SCAPER: variants seen among roughly 807,000 people sequenced by gnomAD.
The protein encoded by SCAPER is S-phase cyclin A associated protein in the ER, also known as S phase cyclin A-associated protein in the endoplasmic reticulum.
A neutral mutation model predicts 182.2 loss-of-function variants in SCAPER; 98 were observed. The observed-to-expected ratio is 0.54, with a 90% CI of 0.46 to 0.64. SCAPER has a LOEUF of 0.64. SCAPER is among the 30% of genes least tolerant of loss of function. The pLI is 0.00. For missense variants in SCAPER, 1,432 were observed against 1,690.0 expected, an observed-to-expected ratio of 0.85 and a Z score of 2.68; for synonymous variants, 605 against 564.6, an observed-to-expected ratio of 1.07 and a Z score of -1.01.
intron 23 of SCAPER, among the ~76,000 whole-genome samples, chr15:76,529,700 C>T (rs1945532201): frequency 6.6e-6 from 1 of 152,316 alleles, no homozygotes; most frequent in East Asian, 1.9e-4. Context: ...GTGCCAAGAG[C>T]CTAAGGCAGA....
intron 3 of SCAPER, among the ~76,000 whole-genome samples, chr15:76,858,811 T>C (rs1279885002): frequency 7.5e-6 from 1 of 133,472 alleles, no homozygotes; most frequent in African/African-American, 2.8e-5. Flanking sequence ...TTCATTCTTT[T>C]TATGGCTACG....
At chr15:76,364,298 G>A (rs2041661142) in intron 29 of SCAPER, among the ~76,000 whole-genome samples, 1 of 152,062 alleles carries the variant, frequency 6.6e-6, no homozygotes, top group African/African-American at 2.4e-5. Context: ...CCTTCTTCCC[G>A]GTGGTCCCAG....
At chr15:76,637,742 ATGTGTGTGTGTGTGTGTGTGTGTGTGTG>A (rs55726181) in intron 21 of SCAPER, among the ~76,000 whole-genome samples, 16 of 105,820 alleles carry the variant, frequency 1.5e-4, no homozygotes, top group South Asian at 1.5e-3. Context: ...ATATATATAT[ATGTGTGTGTGTGTGTGTGTGTGTGTGTG>A]TGTGTGTGTG....
rs187157593 is a variant in SCAPER, at chr15:76,769,611, T to A, written c.1248+2131A>T. ...CAGAGAAATGCAAATCAAAACCACA[T>A]AAGATACCATCTCACACCAGTTAGA... On this transcript the variant is annotated intron_variant, in intron 10 of 31. Transcript: ENST00000563290. 4.7e-3 allele frequency among the ~76,000 whole-genome samples: 710 copies of A among 152,190 alleles called. 27 individuals are homozygous for A. Among genetic ancestry groups the A allele is most frequent in the Admixed American group, 0.039 (592 of 15,290 alleles).
At chr15:76,840,183 T>A (rs138046589) in intron 5 of SCAPER, among the ~76,000 whole-genome samples, 211 of 152,290 alleles carry the variant, frequency 1.4e-3, no homozygotes, top group Middle Eastern at 3.4e-3. Flanking sequence ...TTTGGAATGC[T>A]GAGGTAGGAG....
chr15:76,755,544 A>G (rs1021238977), intron 14 of SCAPER, among the ~76,000 whole-genome samples: 2 of 152,218 alleles, frequency 1.3e-5, no homozygotes, highest in African/African-American at 4.8e-5. Flanking sequence ...TATAGTGGCC[A>G]TATATCTTTC....
intron 5 of SCAPER, among the ~76,000 whole-genome samples, chr15:76,816,857 T>G (rs538331175): frequency 6.6e-6 from 1 of 152,260 alleles, no homozygotes; most frequent in South Asian, 2.1e-4. Context: ...ACAGACGGTG[T>G]TAGCCAGGAT....
intron 22 of SCAPER, among the ~76,000 whole-genome samples, chr15:76,612,910 T>C (rs1207126847): frequency 2.0e-5 from 3 of 152,158 alleles, no homozygotes; most frequent in African/African-American, 7.2e-5. Flanking sequence ...TTCACAGAAC[T>C]ATAAAAAACT....
At chr15:76,865,811 G>A (rs1037703181) in intron 2 of SCAPER, among the ~76,000 whole-genome samples, 6 of 152,014 alleles carry the variant, frequency 3.9e-5, no homozygotes, top group Admixed American at 6.6e-5. Context: ...CACTTTTTAC[G>A]TCTTTAATGT....
intron 1 of SCAPER, among the ~76,000 whole-genome samples, chr15:76,895,134 A>T (rs1020711303): frequency 5.3e-5 from 8 of 152,216 alleles, no homozygotes; most frequent in African/African-American, 1.9e-4. Flanking sequence ...ATCCTCCATA[A>T]AATACCGGCA....
chr15:76,683,917 A>C (rs2057881846), intron 20 of SCAPER, among the ~76,000 whole-genome samples: 1 of 152,172 alleles, frequency 6.6e-6, no homozygotes, highest in South Asian at 2.1e-4. Context: ...CTTGTAATGG[A>C]GCAAGACCAC....
intron 21 of SCAPER, among the ~76,000 whole-genome samples, chr15:76,637,969 A>G (rs1042443128): frequency 1.3e-5 from 2 of 151,884 alleles, no homozygotes; most frequent in African/African-American, 4.8e-5. Context: ...AGAAATGTCA[A>G]TTCCTTTGCC....
chr15:76,476,277 G>C (rs2050620494), intron 24 of SCAPER, among the ~76,000 whole-genome samples: 1 of 152,148 alleles, frequency 6.6e-6, no homozygotes, highest in African/African-American at 2.4e-5. Context: ...TTGTTTGTGT[G>C]GCATTAGCCA....
At chr15:76,489,700 A>G (rs1003051589) in intron 24 of SCAPER, among the ~76,000 whole-genome samples, 3 of 152,176 alleles carry the variant, frequency 2.0e-5, no homozygotes, top group Non-Finnish European at 2.9e-5. Context: ...GTATAATACA[A>G]TATTGTTAAC....
intron 22 of SCAPER, among the ~76,000 whole-genome samples, chr15:76,575,950 G>A (rs771545016): frequency 6.6e-6 from 1 of 152,186 alleles, no homozygotes; most frequent in Non-Finnish European, 1.5e-5. Context: ...CGAGGTGCTC[G>A]TCTATCTGCT....
chr15:76,837,684 A>C (rs1310180652), intron 5 of SCAPER, among the ~76,000 whole-genome samples: 1 of 152,358 alleles, frequency 6.6e-6, no homozygotes, highest in South Asian at 2.1e-4. Context: ...ATGCAATACG[A>C]AACTACAATG....
At chr15:76,554,019 A>G (rs2045989567) in intron 23 of SCAPER, among the ~76,000 whole-genome samples, 1 of 152,228 alleles carries the variant, frequency 6.6e-6, no homozygotes, top group African/African-American at 2.4e-5. Flanking sequence ...CAGAATGTAG[A>G]CAGGAATGAA....
At chr15:76,754,083 GAC>G in intron 14 of SCAPER, 135 bp from the exon 15 acceptor site, 1 of 953,104 alleles carries the variant, frequency 1.0e-6, no homozygotes, top group Non-Finnish European at 1.5e-6. Context: ...AACAATTAAG[GAC>G]ACAGACTATG....
chr15:76,348,775 A>C (rs916527803), intron 31 of SCAPER, 39 bp from the exon 32 acceptor site: 1 of 1,235,128 alleles, frequency 8.1e-7, no homozygotes, highest in African/African-American at 1.5e-5. Context: ...TAAATAAAAG[A>C]GGGTTAAATT....
Sources: gnomAD v4.1 joint callset for allele counts (sites outside exome capture counted in the v4.1 genomes callset) on GRCh38, gnomAD v4.1.1 for gene constraint, MANE v1.5 for transcripts, NCBI Gene and HGNC (gene_info 2026-07-23, HGNC 2026-07-21) for gene names.